Variants in RCOR3 observed in about 807,000 individuals in gnomAD.
RCOR3 encodes the protein REST corepressor 3.
A neutral mutation model predicts 64.1 loss-of-function variants in RCOR3; 13 were observed. The ratio of observed to expected loss-of-function variants is 0.20; its 90% CI spans 0.13 to 0.32. The LOEUF is 0.32. Ranked by LOEUF, RCOR3 falls within the 10% of genes least tolerant of loss-of-function variation. The probability of loss-of-function intolerance (pLI) is 1.00; values close to 1 mark genes in which losing one functional copy is unlikely to be tolerated. For missense variants in RCOR3, 489 were observed against 701.2 expected, an observed-to-expected ratio of 0.70 and a Z score of 3.42; for synonymous variants, 215 against 239.0, an observed-to-expected ratio of 0.90 and a Z score of 0.93.
At position 211,259,733 on chromosome 1, in the gene RCOR3, G is replaced by T. The variant is rs1211981753; in HGVS notation, c.166+7G>T. ...AGCAGCGACGACGAGCACGGTGGTA[G>T]CCTCGAACTCCTCCCCGCCAGCCCG... On this transcript the variant is annotated splice_region_variant and intron_variant, in intron 1 of 11. Transcript: ENST00000419091. The T allele has an allele frequency of 6.7e-7, 1 of 1,486,248 alleles. No homozygotes were observed. Among genetic ancestry groups the T allele is most frequent in the Non-Finnish European group, 8.9e-7 (1 of 1,118,336 alleles). 92.1% of individuals were successfully genotyped at this position (1,486,248 alleles called of 1,614,324 possible).
At chr1:211,286,554 C>G (rs1003387821) in intron 7 of RCOR3, among the ~76,000 whole-genome samples, 7 of 151,984 alleles carry the variant, frequency 4.6e-5, no homozygotes, top group African/African-American at 1.2e-4. Flanking sequence ...TGATCCGCCC[C>G]CCTCGGCCTC....
intron 5 of RCOR3, among the ~76,000 whole-genome samples, chr1:211,276,732 C>T (rs1316521429): frequency 6.6e-6 from 1 of 152,080 alleles, no homozygotes; most frequent in Non-Finnish European, 1.5e-5. Context: ...AAATGTTTCA[C>T]TCTTTGACAC....
intron 3 of RCOR3, among the ~76,000 whole-genome samples, chr1:211,273,647 A>C (rs918372947): frequency 5.9e-5 from 9 of 152,324 alleles, no homozygotes; most frequent in Non-Finnish European, 8.8e-5. Flanking sequence ...TATGGAAGAT[A>C]AATGAAAGTG....
At chr1:211,260,704 G>A (rs1179737634) in intron 2 of RCOR3, among the ~76,000 whole-genome samples, 1 of 152,000 alleles carries the variant, frequency 6.6e-6, no homozygotes, top group African/African-American at 2.4e-5. Context: ...AGCTTTGGTC[G>A]CGGCAGCTCT....
intron 9 of RCOR3, among the ~76,000 whole-genome samples, chr1:211,299,688 G>A (rs1445663066): frequency 1.3e-5 from 2 of 152,088 alleles, no homozygotes; most frequent in African/African-American, 2.4e-5. Flanking sequence ...GTCATAGATC[G>A]TTCTAGAAGG....
intron 2 of RCOR3, among the ~76,000 whole-genome samples, chr1:211,270,280 C>G (rs760612794): frequency 8.5e-5 from 13 of 152,192 alleles, no homozygotes; most frequent in Non-Finnish European, 1.5e-4. Context: ...CCAGGCTAGT[C>G]TTGAACTCGT....
intron 8 of RCOR3, among the ~76,000 whole-genome samples, chr1:211,294,646 G>T (rs1356198044): frequency 2.2e-5 from 3 of 138,006 alleles, no homozygotes; most frequent in Non-Finnish European, 4.5e-5. Flanking sequence ...CTGGAGTGCA[G>T]CGGCGCGATC....
intron 10 of RCOR3, among the ~76,000 whole-genome samples, chr1:211,306,321 A>G (rs1700847951): frequency 6.6e-6 from 1 of 152,122 alleles, no homozygotes; most frequent in East Asian, 1.9e-4. Flanking sequence ...TTTACTATCT[A>G]CAAGTACTTA....
intron 9 of RCOR3, among the ~76,000 whole-genome samples, chr1:211,299,232 G>T (rs371562271): frequency 1.3e-5 from 2 of 152,124 alleles, no homozygotes; most frequent in African/African-American, 4.8e-5. Context: ...GTAGGGTTGG[G>T]TATTAGTTAT....
chr1:211,295,655 T>A (rs1322059046), intron 8 of RCOR3, 21 bp from the exon 9 acceptor site: 1 of 1,602,694 alleles, frequency 6.2e-7, no homozygotes, highest in South Asian at 1.1e-5. Context: ...CTGATTCACA[T>A]TTGGGGTTAT....
At chr1:211,267,800 C>A (rs1368370291) in intron 2 of RCOR3, 11 of 344,370 alleles carry the variant, frequency 3.2e-5, no homozygotes, top group South Asian at 2.1e-4. Flanking sequence ...GCTATGTTTC[C>A]CAGGCTGGTC....
At chr1:211,309,832 AGTT>A (rs1416380054) in intron 10 of RCOR3, among the ~76,000 whole-genome samples, 1 of 152,156 alleles carries the variant, frequency 6.6e-6, no homozygotes, top group Non-Finnish European at 1.5e-5. Flanking sequence ...ACCACCTGCT[AGTT>A]GTTTCAGACG....
At chr1:211,288,980 ATTATGTTGTATGC>A (rs1698912244) in intron 7 of RCOR3, among the ~76,000 whole-genome samples, 185 bp from the exon 8 acceptor site, 1 of 152,096 alleles carries the variant, frequency 6.6e-6, no homozygotes, top group Non-Finnish European at 1.5e-5. Flanking sequence ...GCAAGGATAT[ATTATGTTGTATGC>A]TTTTCCTCCC....
At chr1:211,295,582 A>G in intron 8 of RCOR3, 94 bp from the exon 9 acceptor site, 1 of 996,430 alleles carries the variant, frequency 1.0e-6, no homozygotes, top group South Asian at 1.4e-5. Context: ...AAAATTTAAG[A>G]GGGGTTTGGA....
rs17017384 is a variant in RCOR3 at position 211,311,885 on chromosome 1, A to C, written c.1076-835A>C. On this transcript the variant is annotated intron_variant, in intron 10 of 11. Coordinates refer to ENST00000419091, the MANE Select transcript of RCOR3 (RefSeq NM_001136223.3). ...TTAACAGTCTCAACTTCTTAAATCA[A>C]TTATTACCCTTTATTATAATGAAAC... Among the ~76,000 whole-genome samples the C allele has an allele frequency of 4.3e-3, 656 of 152,244 alleles. 4 individuals are homozygous for C. The highest frequency in any genetic ancestry group is 0.015 in the African/African-American group (629 of 41,562).
intron 7 of RCOR3, among the ~76,000 whole-genome samples, chr1:211,281,809 C>T (rs1317449534): frequency 1.3e-5 from 2 of 152,128 alleles, no homozygotes; most frequent in Non-Finnish European, 2.9e-5. Context: ...CCTTATTTCT[C>T]CTTAAATCTG....
Position 211,313,301 on chromosome 1 carries a change from C to T in RCOR3, c.1318-123C>T. ...AAGAAGCTTGTGCTTCCAATAAACACTGGTGTTATGTTTTTGTTTTGTTTT... is the reference window on the plus strand; with the variant it reads ...AAGAAGCTTGTGCTTCCAATAAACATTGGTGTTATGTTTTTGTTTTGTTTT... On this transcript the variant is annotated intron_variant, in intron 11 of 11. Transcript: ENST00000419091. This position sits in a 1 kb window ranked among gnomAD's most constrained non-coding sequence, Gnocchi z 4.7. 6.9e-7 allele frequency: 1 copy of T among 1,449,002 alleles called. No homozygotes were observed. Among genetic ancestry groups the T allele is most frequent in the Non-Finnish European group, 9.0e-7 (1 of 1,105,022 alleles). The allele number at this position is 1,449,002 out of a possible 1,614,324, so 89.8% of individuals were successfully genotyped here. A position where few individuals can be genotyped will look rare whatever the true frequency, so the allele number is the denominator to read the frequency against.
rs971332229 is a variant in RCOR3 at position 211,284,423 on chromosome 1, A to G, written c.721-4755A>G. ...CAGTATTCTTTTACATTTTCTTTTG[A>G]AAATTTTAAACTTTTTCTCTTTTTA... On this transcript the variant is annotated intron_variant, in intron 7 of 11. Transcript: ENST00000419091. 2.6e-5 allele frequency among the ~76,000 whole-genome samples: 4 copies of G among 151,880 alleles called. No individual in the cohort carries two copies. In the East Asian group the frequency reaches 7.8e-4, roughly 29 times the overall value.
intron 1 of RCOR3, 112 bp downstream of exon 1, chr1:211,259,838 G>T: frequency 8.8e-7 from 1 of 1,141,704 alleles, no homozygotes; most frequent in Non-Finnish European, 1.2e-6. Context: ...GAGCCTGGGC[G>T]CTGCGGTAGC....
Sources: gnomAD v4.1 joint callset for allele counts (sites outside exome capture counted in the v4.1 genomes callset) on GRCh38, gnomAD v4.1.1 for gene constraint, Gnocchi (gnomAD v3.1) non-coding constraint, MANE v1.5 for transcripts, NCBI Gene and HGNC (gene_info 2026-07-23, HGNC 2026-07-21) for gene names.